PLEKHA5: variants seen among roughly 807,000 people sequenced by gnomAD.
PLEKHA5 encodes pleckstrin homology domain-containing family A member 5.
In PLEKHA5, 55 loss-of-function variants were observed where a neutral mutation model predicts 181.9. That is an observed-to-expected ratio of 0.30 (90% CI 0.24 to 0.38). PLEKHA5 has a LOEUF of 0.38. Among genes scored for constraint, PLEKHA5 ranks in the 10% least tolerant of loss-of-function variants. The pLI, the probability that PLEKHA5 is intolerant of heterozygous loss-of-function variation, is 1.00. For missense variants in PLEKHA5, 1,432 were observed against 1,549.5 expected, an observed-to-expected ratio of 0.92 and a Z score of 1.27; for synonymous variants, 535 against 529.4, an observed-to-expected ratio of 1.01 and a Z score of -0.15.
rs976227352 is a variant in PLEKHA5, at chr12:19,325,432, G to A, written c.2448+2765G>A. Among the ~76,000 whole-genome samples the A allele has an allele frequency of 2.0e-5, 3 of 152,122 alleles. No individual in the cohort carries two copies. In the South Asian group the frequency reaches 6.2e-4, roughly 32 times the overall value. ...AGGCCAGGCATGGTGGCTCACGCCT[G>A]TAATCCCAGCACTTTGGGAGGCCGA... On this transcript the variant is annotated intron_variant, in intron 20 of 31. Transcript: ENST00000429027.
chr12:19,332,712 G>A (rs778156390), intron 20 of PLEKHA5, among the ~76,000 whole-genome samples: 1 of 152,276 alleles, frequency 6.6e-6, no homozygotes, highest in South Asian at 2.1e-4. Flanking sequence ...TACACAGGCT[G>A]GAGTACAATG....
At chr12:19,143,691 CAGTT>C (rs1565862661) in intron 3 of PLEKHA5, among the ~76,000 whole-genome samples, 1 of 151,982 alleles carries the variant, frequency 6.6e-6, no homozygotes, top group African/African-American at 2.4e-5. Context: ...TTCACATTGA[CAGTT>C]AATATGTATA....
intron 31 of PLEKHA5, among the ~76,000 whole-genome samples, chr12:19,370,529 G>A (rs1208773154): frequency 2.0e-5 from 3 of 151,886 alleles, no homozygotes. Context: ...CTGGTGTAGA[G>A]TAAGAATGTT....
At chr12:19,158,020 C>T (rs1024385921) in intron 3 of PLEKHA5, among the ~76,000 whole-genome samples, 4 of 152,020 alleles carry the variant, frequency 2.6e-5, no homozygotes, top group African/African-American at 9.7e-5. Flanking sequence ...TTGCCATAAA[C>T]TTGGATCAAG....
At chr12:19,344,659 C>T (rs991621349) in intron 22 of PLEKHA5, among the ~76,000 whole-genome samples, 10 of 152,140 alleles carry the variant, frequency 6.6e-5, no homozygotes, top group African/African-American at 1.2e-4. Flanking sequence ...AAATGCCCTC[C>T]TGAAGGATTA....
intron 3 of PLEKHA5, among the ~76,000 whole-genome samples, chr12:19,175,691 CT>C (rs2047022915): frequency 6.6e-6 from 1 of 152,108 alleles, no homozygotes; most frequent in East Asian, 1.9e-4. Context: ...CATGTGTTAG[CT>C]TTGTTAAGAA....
chr12:19,304,098 C>T (rs1266874432), intron 15 of PLEKHA5, among the ~76,000 whole-genome samples: 4 of 151,704 alleles, frequency 2.6e-5, no homozygotes, highest in Admixed American at 6.6e-5. Flanking sequence ...CGTGAGCCAC[C>T]GCGCATGGCC....
chr12:19,134,423 T>C (rs150595982), intron 3 of PLEKHA5, among the ~76,000 whole-genome samples: 16 of 152,172 alleles, frequency 1.1e-4, no homozygotes, highest in African/African-American at 3.9e-4. Flanking sequence ...ACTTATAATA[T>C]TATGGAAGTA....
chr12:19,335,058 G>A (rs1320250308), intron 20 of PLEKHA5, among the ~76,000 whole-genome samples: 40 of 123,854 alleles, frequency 3.2e-4, no homozygotes, highest in Admixed American at 8.9e-4. Context: ...TTGGAGACAT[G>A]GTCATCTGTC....
At chr12:19,270,393 T>C (rs968192501) in intron 10 of PLEKHA5, among the ~76,000 whole-genome samples, 188 bp downstream of exon 10, 1 of 152,206 alleles carries the variant, frequency 6.6e-6, no homozygotes, top group East Asian at 1.9e-4. Context: ...GTTTCATTTT[T>C]TCAACATTTC....
chr12:19,173,006 T>TTTTC (rs2046315834), intron 3 of PLEKHA5, among the ~76,000 whole-genome samples: 1 of 27,142 alleles, frequency 3.7e-5, no homozygotes, highest in Non-Finnish European at 5.8e-5. Context: ...TTTCCCTTTC[T>TTTTC]TTTTTTTTTT....
intron 3 of PLEKHA5, among the ~76,000 whole-genome samples, chr12:19,193,102 C>A: frequency 6.6e-6 from 1 of 152,172 alleles, no homozygotes; most frequent in Non-Finnish European, 1.5e-5. Context: ...TAGACTTTTA[C>A]ATTGTAGATT....
At chr12:19,234,972 T>C (rs1262396976) in intron 3 of PLEKHA5, among the ~76,000 whole-genome samples, 1 of 152,148 alleles carries the variant, frequency 6.6e-6, no homozygotes, top group Non-Finnish European at 1.5e-5. Context: ...CTTTTAGAAC[T>C]GTGGAAAAGT....
At chr12:19,196,163 T>C (rs1458902880) in intron 3 of PLEKHA5, among the ~76,000 whole-genome samples, 2 of 152,206 alleles carry the variant, frequency 1.3e-5, no homozygotes, top group African/African-American at 4.8e-5. Flanking sequence ...TCTAAACTTT[T>C]TGAAAAATCT....
intron 3 of PLEKHA5, among the ~76,000 whole-genome samples, chr12:19,137,279 C>T (rs926713979): frequency 6.6e-6 from 1 of 152,090 alleles, no homozygotes. Flanking sequence ...TCAGGTGATC[C>T]GCCCACCTCG....
intron 25 of PLEKHA5, 45 bp downstream of exon 25, chr12:19,348,564 A>G (rs781459589): frequency 6.8e-7 from 1 of 1,470,722 alleles, no homozygotes; most frequent in South Asian, 1.4e-5. Flanking sequence ...TTGTTTTTGA[A>G]GACAATTTAC....
intron 31 of PLEKHA5, chr12:19,370,704 T>C (rs2095553357): frequency 6.6e-6 from 1 of 151,974 alleles, no homozygotes; most frequent in African/African-American, 2.4e-5. Context: ...GTTTTTTTTA[T>C]GTTATTTCTT....
intron 11 of PLEKHA5, among the ~76,000 whole-genome samples, chr12:19,275,314 T>C (rs1021062952): frequency 6.6e-5 from 10 of 152,060 alleles, no homozygotes; most frequent in African/African-American, 2.4e-4. Flanking sequence ...CCCCTGCCAT[T>C]ATCACCTCTT....
chr12:19,306,684 G>T, intron 15 of PLEKHA5: 1 of 1,473,384 alleles, frequency 6.8e-7, no homozygotes, highest in Non-Finnish European at 9.4e-7. Flanking sequence ...GCTCTGAGCA[G>T]ATGCGGACTC....
Sources: allele counts gnomAD v4.1 joint callset (sites outside exome capture counted in the v4.1 genomes callset), GRCh38; gene constraint gnomAD v4.1.1; transcripts MANE v1.5; gene names NCBI Gene and HGNC (gene_info 2026-07-23, HGNC 2026-07-21).